The following DLGAP1 variants were observed in gnomAD, a reference collection of about 807,000 sequenced individuals.
DLGAP1 encodes disks large-associated protein 1.
In DLGAP1, 11 loss-of-function variants were observed where a neutral mutation model predicts 90.8. That is an observed-to-expected ratio of 0.12 (90% CI 0.08 to 0.20). DLGAP1 has a LOEUF of 0.20. Among genes scored for constraint, DLGAP1 ranks in the 10% least tolerant of loss-of-function variants. The pLI is 1.00. For missense variants in DLGAP1, 1,050 were observed against 1,333.8 expected (o/e 0.79, Z 3.31); for synonymous variants, 558 against 540.7 (o/e 1.03, Z -0.44).
At position 4,366,556 on chromosome 18, in the gene DLGAP1, T is replaced by G. The variant is rs7240804; in HGVS notation, c.-267+88450A>C. On this transcript the variant is annotated intron_variant, in intron 1 of 12. Coordinates refer to ENST00000315677, the MANE Select transcript of DLGAP1 (RefSeq NM_004746.4). ...ACCAAATACAGTATACCTGTGATAT[T>G]AAAGTGTCATTGGGGAATATTCAGA... is the stretch of plus-strand genomic sequence containing the variant. 6.2e-3 allele frequency among the ~76,000 whole-genome samples: 940 copies of G among 152,028 alleles called. 13 individuals carry two copies. The highest frequency in any genetic ancestry group is 0.022 in the African/African-American group (903 of 41,496).
intron 7 of DLGAP1, among the ~76,000 whole-genome samples, chr18:3,589,576 A>G (rs2056113541): frequency 6.6e-6 from 1 of 152,126 alleles, no homozygotes; most frequent in Non-Finnish European, 1.5e-5. Context: ...TATAAATTAA[A>G]TTATATATAG....
intron 5 of DLGAP1, among the ~76,000 whole-genome samples, chr18:3,760,462 T>C (rs910499163): frequency 6.6e-6 from 1 of 152,184 alleles, no homozygotes; most frequent in African/African-American, 2.4e-5. Context: ...TCTATCTTAA[T>C]ACTTCAATGT....
At chr18:3,792,342 A>G (rs1287405025) in intron 5 of DLGAP1, among the ~76,000 whole-genome samples, 1 of 151,922 alleles carries the variant, frequency 6.6e-6, no homozygotes, top group East Asian at 1.9e-4. Flanking sequence ...TTAGCCAGGC[A>G]TGGTGGTGCA....
intron 1 of DLGAP1, among the ~76,000 whole-genome samples, chr18:4,223,830 G>C (rs922207008): frequency 1.3e-5 from 2 of 152,144 alleles, no homozygotes; most frequent in Admixed American, 6.6e-5. Context: ...GTAGTCCAAA[G>C]AGCATCCTTA....
chr18:3,926,887 G>A (rs190186447), intron 3 of DLGAP1, among the ~76,000 whole-genome samples: 67 of 152,192 alleles, frequency 4.4e-4, no homozygotes, highest in African/African-American at 1.6e-3. Context: ...CATGAGGTGA[G>A]CCTGTAACAT....
Position 3,499,108 on chromosome 18 carries a change from G to A in DLGAP1, c.*77C>T. ...CTCGGGAGCGGACGGGCTCGGAGGG[G>A]GAGAGGCAGCCGGCAGAGGAGCGGC... On this transcript the variant is annotated 3_prime_UTR_variant, in exon 13 of 13. Coordinates refer to ENST00000315677, the MANE Select transcript of DLGAP1 (RefSeq NM_004746.4). The surrounding 1 kb of genome is among the most constrained non-coding windows in gnomAD (Gnocchi z 6.4). 7.5e-7 allele frequency: 1 copy of A among 1,334,448 alleles called. No individual in the cohort carries two copies. The allele number at this position is 1,334,448 out of a possible 1,614,324, so 82.7% of individuals were successfully genotyped here.
intron 3 of DLGAP1, among the ~76,000 whole-genome samples, chr18:3,892,864 C>T (rs565535544): frequency 0.014 from 2,082 of 148,570 alleles, 50 homozygotes; most frequent in African/African-American, 0.049. Context: ...ACTTTCTCCT[C>T]TGGCTTTTTA....
At chr18:4,105,637 G>A (rs1029038363) in intron 2 of DLGAP1, among the ~76,000 whole-genome samples, 1 of 152,220 alleles carries the variant, frequency 6.6e-6, no homozygotes, top group African/African-American at 2.4e-5. Context: ...TGGCAGAAAT[G>A]TATTGCTATT....
At chr18:3,583,959 G>A (rs2145429210) in intron 7 of DLGAP1, among the ~76,000 whole-genome samples, 1 of 152,072 alleles carries the variant, frequency 6.6e-6, no homozygotes, top group East Asian at 1.9e-4. Flanking sequence ...AAAAAATGGT[G>A]GGGGCCTGAA....
rs187231315 is a variant in DLGAP1, at chr18:3,635,859, C to G, written c.1592-53611G>C. 1.9e-3 allele frequency among the ~76,000 whole-genome samples: 289 copies of G among 151,670 alleles called. 2 individuals are homozygous for G. Among genetic ancestry groups the G allele is most frequent in the Non-Finnish European group, 3.5e-3 (240 of 68,014 alleles). On this transcript the variant is annotated intron_variant, in intron 7 of 12. Transcript: ENST00000315677. ...CTTGACAGGCCTTCCTCAATAATCACTGGATTTTCTGCCTCTAATCCAGAC... is the reference window on the plus strand; with the variant it reads ...CTTGACAGGCCTTCCTCAATAATCAGTGGATTTTCTGCCTCTAATCCAGAC...
chr18:4,174,019 G>A (rs2077065244), intron 1 of DLGAP1, among the ~76,000 whole-genome samples: 1 of 151,854 alleles, frequency 6.6e-6, no homozygotes. Flanking sequence ...CACCTCCCAC[G>A]CTAAAAATTA....
intron 5 of DLGAP1, among the ~76,000 whole-genome samples, chr18:3,802,975 T>G (rs1037253711): frequency 6.6e-6 from 1 of 152,194 alleles, no homozygotes; most frequent in Non-Finnish European, 1.5e-5. Flanking sequence ...TTATTCATTC[T>G]CTCTCTGAAG....
At chr18:3,577,360 A>G (rs1230463510) in intron 8 of DLGAP1, among the ~76,000 whole-genome samples, 2 of 152,080 alleles carry the variant, frequency 1.3e-5, no homozygotes, top group East Asian at 3.9e-4. Context: ...TGTGTAACCA[A>G]TTTTGTGTAT....
At chr18:4,252,197 G>C (rs2078793859) in intron 1 of DLGAP1, among the ~76,000 whole-genome samples, 1 of 152,206 alleles carries the variant, frequency 6.6e-6, no homozygotes, top group Non-Finnish European at 1.5e-5. Flanking sequence ...CAAATCAGGA[G>C]AGTTTTATTC....
chr18:3,728,933 G>C (rs2062301885), intron 7 of DLGAP1, among the ~76,000 whole-genome samples: 1 of 152,198 alleles, frequency 6.6e-6, no homozygotes. Flanking sequence ...GGATGCCAGA[G>C]ATAGAGATGG....
At chr18:3,730,288 A>T (rs542733817) in intron 6 of DLGAP1, among the ~76,000 whole-genome samples, 2 of 7,790 alleles carry the variant, frequency 2.6e-4, no homozygotes, top group South Asian at 0.016. Context: ...ACCTGATAAG[A>T]TTCATAAATT....
chr18:3,600,712 A>AGATATC (rs2056856387), intron 7 of DLGAP1, among the ~76,000 whole-genome samples: 1 of 96,588 alleles, frequency 1.0e-5, no homozygotes, highest in African/African-American at 4.6e-5. Context: ...CTATAGCTAT[A>AGATATC]TAGATATAGA....
intron 4 of DLGAP1, among the ~76,000 whole-genome samples, chr18:3,847,138 T>C (rs2069063701): frequency 6.6e-6 from 1 of 152,198 alleles, no homozygotes; most frequent in Non-Finnish European, 1.5e-5. Flanking sequence ...TTGTAATATC[T>C]TTTTCTTGTT....
intron 1 of DLGAP1, among the ~76,000 whole-genome samples, chr18:4,245,945 A>G (rs2684432): frequency 0.6 from 90,603 of 152,042 alleles, 27,323 homozygotes; most frequent in East Asian, 0.86. Flanking sequence ...ATGGAATGGG[A>G]GAAGCTTTTC....
Sources: gnomAD v4.1 joint callset for allele counts (sites outside exome capture counted in the v4.1 genomes callset) on GRCh38, gnomAD v4.1.1 for gene constraint, Gnocchi (gnomAD v3.1) non-coding constraint, MANE v1.5 for transcripts, NCBI Gene and HGNC (gene_info 2026-07-23, HGNC 2026-07-21) for gene names.